PCDHGA12: variants seen among roughly 807,000 people sequenced by gnomAD.
PCDHGA12 encodes protocadherin gamma-A12.
PCDHGA12 carries 43 observed loss-of-function variants against 61.1 expected under a neutral mutation model. That is an observed-to-expected ratio of 0.70 (90% CI 0.55 to 0.91). The LOEUF (loss-of-function observed/expected upper bound fraction) is 0.91. Among genes scored for constraint, PCDHGA12 ranks in the 40% least tolerant of loss-of-function variants. PCDHGA12 has a pLI of 0.00. For synonymous variants in PCDHGA12, 520 were observed against 542.9 expected (o/e 0.96, Z 0.59); for missense variants, 1,236 against 1,227.7 (o/e 1.01, Z -0.10).
At chr5:141,441,004 C>G (rs1258800474) in intron 1 of PCDHGA12, 1 of 152,066 alleles carries the variant, frequency 6.6e-6, no homozygotes, top group African/African-American at 2.4e-5. Flanking sequence ...TCTAGTTTGG[C>G]CTTGATCAAA....
intron 1 of PCDHGA12, among the ~76,000 whole-genome samples, chr5:141,488,635 C>T (rs1476156734): frequency 6.6e-6 from 1 of 152,152 alleles, no homozygotes; most frequent in Non-Finnish European, 1.5e-5. Flanking sequence ...ACCTTAGCAG[C>T]ATTCAGCAGG....
At chr5:141,440,106 T>A (rs1288263875) in intron 1 of PCDHGA12, 1 of 152,228 alleles carries the variant, frequency 6.6e-6, no homozygotes, top group East Asian at 1.9e-4. Flanking sequence ...AGTGGAGACT[T>A]ACTTGTGAAT....
chr5:141,506,471 C>T (rs2099854191), intron 3 of PCDHGA12, among the ~76,000 whole-genome samples: 2 of 148,834 alleles, frequency 1.3e-5, no homozygotes, highest in African/African-American at 5.0e-5. Flanking sequence ...AAAAAGAGCA[C>T]AGGCTTTAGA....
intron 1 of PCDHGA12, 101 bp downstream of exon 1, chr5:141,433,284 C>T: frequency 8.5e-7 from 1 of 1,176,236 alleles, no homozygotes; most frequent in Non-Finnish European, 1.2e-6. Flanking sequence ...GCCTCAAACT[C>T]CTAGGCTCAA....
chr5:141,509,292 T>A (rs1407798154), intron 3 of PCDHGA12, among the ~76,000 whole-genome samples: 1 of 152,028 alleles, frequency 6.6e-6, no homozygotes, highest in Non-Finnish European at 1.5e-5. Context: ...GGGTCCAGGG[T>A]GGAGGCAGAG....
intron 1 of PCDHGA12, among the ~76,000 whole-genome samples, chr5:141,453,993 A>T (rs2098779172): frequency 6.6e-6 from 1 of 152,234 alleles, no homozygotes; most frequent in African/African-American, 2.4e-5. Flanking sequence ...CCAGTGATAA[A>T]CCCACATAAC....
At chr5:141,470,983 C>G (rs1486663328) in intron 1 of PCDHGA12, among the ~76,000 whole-genome samples, 2 of 151,528 alleles carry the variant, frequency 1.3e-5, no homozygotes, top group African/African-American at 4.9e-5. Context: ...TCCCAAAGTG[C>G]TGGGACTACA....
At chr5:141,481,913 C>CAAA (rs34114744) in intron 1 of PCDHGA12, among the ~76,000 whole-genome samples, 3 of 90,796 alleles carry the variant, frequency 3.3e-5, no homozygotes, top group Non-Finnish European at 4.4e-5. Flanking sequence ...AACTCCATCT[C>CAAA]AAAAAAAAAA....
Position 141,489,090 on chromosome 5 carries a change from C to CCAA in PCDHGA12, c.2425-5717_2425-5716insCAA, listed in dbSNP as rs2099682444. 1 of 328,824 alleles carries CCAA rather than the reference C, an allele frequency of 3.0e-6. No individual in the cohort carries two copies. Among genetic ancestry groups the CCAA allele is most frequent in the Admixed American group, 6.1e-5 (1 of 16,500 alleles). The allele number at this position is 328,824 out of a possible 1,614,324, so 20.4% of individuals were successfully genotyped here. ...CCTGCCCACCCCCGCCACTCGGTGA[C>CCAA]TAAGAACTGCTGCAAGCAGGCAAAC... On this transcript the variant is annotated intron_variant, in intron 1 of 3. Transcript: ENST00000252085. This position sits in a 1 kb window ranked among gnomAD's most constrained non-coding sequence, Gnocchi z 4.5.
Position 141,489,091 on chromosome 5 carries a change from T to A in PCDHGA12, c.2425-5716T>A. 1.9e-4 allele frequency: 63 copies of A among 332,802 alleles called. No individual in the cohort carries two copies. Among genetic ancestry groups the A allele is most frequent in the East Asian group, 2.9e-4 (6 of 20,542 alleles). The allele number at this position is 332,802 out of a possible 1,614,324, so 20.6% of individuals were successfully genotyped here. A position where few individuals can be genotyped will look rare whatever the true frequency, so the allele number is the denominator to read the frequency against. ...CTGCCCACCCCCGCCACTCGGTGAC[T>A]AAGAACTGCTGCAAGCAGGCAAACC... On this transcript the variant is annotated intron_variant, in intron 1 of 3. Transcript: ENST00000252085. This position sits in a 1 kb window ranked among gnomAD's most constrained non-coding sequence, Gnocchi z 4.5.
At chr5:141,510,810 A>G (rs1455434913) in intron 3 of PCDHGA12, 137 bp from the exon 4 acceptor site, 19 of 1,519,650 alleles carry the variant, frequency 1.3e-5, no homozygotes, top group Admixed American at 2.0e-5. Flanking sequence ...TACCTTGGTG[A>G]CCCCTATATT....
At position 141,494,885 on chromosome 5, in the gene PCDHGA12, G is replaced by T; in HGVS notation, c.2483+20G>T. The T allele has an allele frequency of 6.8e-6, 11 of 1,614,082 alleles. No homozygotes were observed. The highest frequency in any genetic ancestry group is 8.5e-6 in the Non-Finnish European group (10 of 1,179,992). Reference sequence around the variant, plus strand: ...CAGCGGGTAGGTGACTGATTCTCCAGCCCACCCTCTTCTCTGCGGCATTTT... The same window carrying T: ...CAGCGGGTAGGTGACTGATTCTCCATCCCACCCTCTTCTCTGCGGCATTTT... On this transcript the variant is annotated intron_variant, in intron 2 of 3. Transcript: ENST00000252085.
At position 141,477,167 on chromosome 5, in the gene PCDHGA12, G is replaced by A; in HGVS notation, c.2425-17640G>A. On this transcript the variant is annotated intron_variant, in intron 1 of 3. Coordinates refer to ENST00000252085, the MANE Select transcript of PCDHGA12 (RefSeq NM_003735.3). This position sits in a 1 kb window ranked among gnomAD's most constrained non-coding sequence, Gnocchi z 4.9. ...TGTGGATGTGAATGACAACGCCCCGGAGATCACAGTCACCTCCGTGTACAG... is the reference window on the plus strand; with the variant it reads ...TGTGGATGTGAATGACAACGCCCCGAAGATCACAGTCACCTCCGTGTACAG... 6.2e-7 allele frequency: 1 copy of A among 1,614,166 alleles called. No homozygotes were observed. Among genetic ancestry groups the A allele is most frequent in the South Asian group, 1.1e-5 (1 of 91,076 alleles).
intron 1 of PCDHGA12, chr5:141,478,480 G>T: frequency 2.5e-6 from 4 of 1,613,564 alleles, no homozygotes; most frequent in Non-Finnish European, 3.4e-6. Flanking sequence ...GCCAGAACAC[G>T]CTGCGGAGCT....
In PCDHGA12 at chr5:141,430,746, G is replaced by A. The variant is rs369205374; in HGVS notation, c.-14G>A. ...TAAGGGCAGAATTGAAAATAATTCTGGAGGAAGATAAGAATGATTCCTGCG... is the reference window on the plus strand; with the variant it reads ...TAAGGGCAGAATTGAAAATAATTCTAGAGGAAGATAAGAATGATTCCTGCG... On this transcript the variant is annotated 5_prime_UTR_variant, in exon 1 of 4. Coordinates refer to ENST00000252085, the MANE Select transcript of PCDHGA12 (RefSeq NM_003735.3). 3.3e-5 allele frequency: 49 copies of A among 1,500,684 alleles called. No homozygotes were observed. The African/African-American group carries it at 6.3e-4, about 19-fold the overall frequency. The allele number at this position is 1,500,684 out of a possible 1,614,324, so 93.0% of individuals were successfully genotyped here.
intron 1 of PCDHGA12, among the ~76,000 whole-genome samples, chr5:141,492,745 C>G (rs2099743569): frequency 6.6e-6 from 1 of 152,262 alleles, no homozygotes; most frequent in Non-Finnish European, 1.5e-5. Flanking sequence ...GTGGCCGAGG[C>G]GCGGCAGGGC....
chr5:141,492,079 G>C (rs1400390407), intron 1 of PCDHGA12: 3 of 486,286 alleles, frequency 6.2e-6, no homozygotes, highest in South Asian at 4.1e-5. Flanking sequence ...CGCCGGCTCC[G>C]GCACGCTTCG....
chr5:141,477,519 A>C lies in PCDHGA12; in HGVS notation c.2425-17288A>C, dbSNP rs1255751458. 1 of 1,614,174 alleles carries C rather than the reference A, an allele frequency of 6.2e-7. No individual in the cohort carries two copies. The highest frequency in any genetic ancestry group is 2.2e-5 in the East Asian group (1 of 44,882). Reference sequence around the variant, plus strand: ...TCTTCCTACGACGTTTACATTGAAGAAAACAACCTCCCCGGGGCTCCAATA... The same window carrying C: ...TCTTCCTACGACGTTTACATTGAAGCAAACAACCTCCCCGGGGCTCCAATA... On this transcript the variant is annotated intron_variant, in intron 1 of 3. Transcript: ENST00000252085. The surrounding 1 kb of genome is among the most constrained non-coding windows in gnomAD (Gnocchi z 4.9).
chr5:141,476,061 C>T lies in PCDHGA12; in HGVS notation c.2425-18746C>T. On this transcript the variant is annotated intron_variant, in intron 1 of 3. Coordinates refer to ENST00000252085, the MANE Select transcript of PCDHGA12 (RefSeq NM_003735.3). The surrounding 1 kb of genome is among the most constrained non-coding windows in gnomAD (Gnocchi z 7.6). Reference sequence around the variant, plus strand: ...AAGCGCTAACCCGCTGAAAGTTTCTCAGCGAAATCTCAGGGACGATCTGGA... The same window carrying T: ...AAGCGCTAACCCGCTGAAAGTTTCTTAGCGAAATCTCAGGGACGATCTGGA... The T allele has an allele frequency of 6.6e-7, 1 of 1,508,880 alleles. No homozygotes were observed. Among genetic ancestry groups the T allele is most frequent in the Non-Finnish European group, 8.8e-7 (1 of 1,136,354 alleles). 93.5% of individuals were successfully genotyped at this position (1,508,880 alleles called of 1,614,324 possible).
Sources: allele counts gnomAD v4.1 joint callset (sites outside exome capture counted in the v4.1 genomes callset), GRCh38; gene constraint gnomAD v4.1.1; non-coding constraint Gnocchi (gnomAD v3.1); transcripts MANE v1.5; gene names NCBI Gene and HGNC (gene_info 2026-07-23, HGNC 2026-07-21).